The following CBR4 variants were observed in gnomAD, a reference collection of about 807,000 sequenced individuals.
CBR4 encodes 3-oxoacyl-[acyl-carrier-protein] reductase.
A neutral mutation model predicts 21.0 loss-of-function variants in CBR4; 22 were observed. The observed-to-expected ratio is 1.05, with a 90% CI of 0.75 to 1.50. The LOEUF is 1.50. Ranked by LOEUF, CBR4 falls within the 40% of genes most tolerant of loss-of-function variation. The pLI, the probability that CBR4 is intolerant of heterozygous loss-of-function variation, is 0.00. For missense variants in CBR4, 302 were observed against 286.3 expected (o/e 1.05, Z -0.40); for synonymous variants, 100 against 104.4 (o/e 0.96, Z 0.26).
intron 2 of CBR4, among the ~76,000 whole-genome samples, chr4:168,951,557 GATTT>G (rs1340479550): frequency 2.0e-5 from 3 of 152,168 alleles, no homozygotes; most frequent in Non-Finnish European, 4.4e-5. Context: ...GTGTTTCCAG[GATTT>G]GTTTCAAGAT....
intron 4 of CBR4, among the ~76,000 whole-genome samples, chr4:168,990,890 T>C (rs1764886451): frequency 6.6e-6 from 1 of 151,718 alleles, no homozygotes; most frequent in African/African-American, 2.4e-5. Context: ...CCGTCTCTAC[T>C]AAAAATACAA....
At chr4:168,915,165 T>C (rs1759849211) in intron 2 of CBR4, among the ~76,000 whole-genome samples, 1 of 152,238 alleles carries the variant, frequency 6.6e-6, no homozygotes, top group Non-Finnish European at 1.5e-5. Context: ...CCTAGTATGC[T>C]TCTTTCATTT....
At chr4:168,923,983 T>C (rs1039152375) in intron 2 of CBR4, among the ~76,000 whole-genome samples, 4 of 152,202 alleles carry the variant, frequency 2.6e-5, no homozygotes, top group African/African-American at 9.6e-5. Flanking sequence ...CTCCCACAGC[T>C]GGTCAGACAG....
intron 2 of CBR4, chr4:168,903,949 C>CTT (rs1361854064): frequency 6.5e-7 from 1 of 1,550,186 alleles, no homozygotes; most frequent in Non-Finnish European, 8.9e-7. Flanking sequence ...GTGTCTAGTG[C>CTT]TTACAGGCAT....
At chr4:168,929,910 C>T (rs1421415828) in intron 2 of CBR4, among the ~76,000 whole-genome samples, 2 of 152,110 alleles carry the variant, frequency 1.3e-5, no homozygotes, top group Non-Finnish European at 2.9e-5. Flanking sequence ...AATGTGTACA[C>T]ACCTAACAAA....
intron 2 of CBR4, among the ~76,000 whole-genome samples, chr4:168,968,790 T>C (rs1764117075): frequency 6.6e-6 from 1 of 152,224 alleles, no homozygotes; most frequent in South Asian, 2.1e-4. Flanking sequence ...CAGGATATAG[T>C]ATTATTTCCG....
At chr4:168,965,441 A>C (rs946104929) in intron 2 of CBR4, among the ~76,000 whole-genome samples, 1 of 152,220 alleles carries the variant, frequency 6.6e-6, no homozygotes, top group African/African-American at 2.4e-5. Flanking sequence ...CCACATAGCC[A>C]AGACAATCCT....
At chr4:168,897,077 C>T (rs1014167655) in intron 2 of CBR4, among the ~76,000 whole-genome samples, 3 of 152,170 alleles carry the variant, frequency 2.0e-5, no homozygotes, top group Admixed American at 6.5e-5. Context: ...GTGATCCACC[C>T]GCCTTGGCTT....
intron 2 of CBR4, among the ~76,000 whole-genome samples, chr4:168,909,650 T>G (rs1758496063): frequency 6.6e-6 from 1 of 152,140 alleles, no homozygotes; most frequent in South Asian, 2.1e-4. Flanking sequence ...CAGATAGAAA[T>G]GAGAAAATTA....
rs1714172178 is a variant in CBR4 at position 168,896,447 on chromosome 4, A to G, written n.170-1682T>C. The stretch of plus-strand genomic sequence containing the variant: ...TCACAGCACCGTTACTACCAAACGC[A>G]TATTGCTAGCACAAAAGTTTCACTT... On this transcript the variant is annotated intron_variant and non_coding_transcript_variant, in intron 2 of 3. Transcript: ENST00000509108. The G allele has an allele frequency of 5.5e-6, 4 of 728,146 alleles. No individual in the cohort carries two copies. The South Asian group carries it at 6.0e-5, about 11-fold the overall frequency. The allele number at this position is 728,146 out of a possible 1,614,324, so 45.1% of individuals were successfully genotyped here.
In CBR4 at chr4:168,915,978, C is replaced by T. The variant is rs756934356; in HGVS notation, n.170-21213G>A. ...TTCAGACCTCACTTCTTGCAGGCTC[C>T]TGGAGATCTGACTGTTCAAGAAGGA... is the stretch of plus-strand genomic sequence containing the variant. On this transcript the variant is annotated intron_variant and non_coding_transcript_variant, in intron 2 of 3. Coordinates refer to the CBR4 transcript ENST00000509108. The T allele has an allele frequency of 8.7e-6, 14 of 1,613,626 alleles. No individual in the cohort carries two copies. The highest frequency in any genetic ancestry group is 1.2e-5 in the Non-Finnish European group (14 of 1,179,652).
At chr4:168,930,719 G>C (rs532039420) in intron 2 of CBR4, among the ~76,000 whole-genome samples, 1 of 152,270 alleles carries the variant, frequency 6.6e-6, no homozygotes, top group Non-Finnish European at 1.5e-5. Context: ...CCATGCCCCT[G>C]CATCCCCCAA....
intron 2 of CBR4, among the ~76,000 whole-genome samples, chr4:168,905,314 A>G (rs1340908311): frequency 6.7e-6 from 1 of 149,430 alleles, no homozygotes; most frequent in African/African-American, 2.5e-5. Context: ...TGCCCGGCTA[A>G]TTTTTTTTTA....
At chr4:168,972,094 G>A (rs1402733326) in intron 2 of CBR4, among the ~76,000 whole-genome samples, 1 of 152,086 alleles carries the variant, frequency 6.6e-6, no homozygotes, top group African/African-American at 2.4e-5. Context: ...AGATCAGTTG[G>A]CTATTAAGTA....
In CBR4 at chr4:168,957,597, T is replaced by G. The variant is rs533537078; in HGVS notation, n.169+44474A>C. ...AACTACTTCCACCACCTATAAAAGTTTTCTCATGCACCTTGTAGTCCACCC... is the reference window on the plus strand; with the variant it reads ...AACTACTTCCACCACCTATAAAAGTGTTCTCATGCACCTTGTAGTCCACCC... On this transcript the variant is annotated intron_variant and non_coding_transcript_variant, in intron 2 of 3. Transcript: ENST00000509108. 2.0e-5 allele frequency among the ~76,000 whole-genome samples: 3 copies of G among 152,286 alleles called. No individual in the cohort carries two copies. In the East Asian group the frequency reaches 5.8e-4, roughly 29 times the overall value.
At chr4:168,913,132 C>G (rs1759350424) in intron 2 of CBR4, among the ~76,000 whole-genome samples, 1 of 129,630 alleles carries the variant, frequency 7.7e-6, no homozygotes, top group Non-Finnish European at 1.6e-5. Context: ...AGGGATGCCA[C>G]TAACTTTTTT....
rs913190812 is a variant in CBR4 at position 168,988,083 on chromosome 4, C to T, written c.*2067G>A. Reference sequence around the variant, plus strand: ...TAGCAGATTTTAAAAAATGAATTCACTGAGGTTCTTAAACCTCTGAACATA... The same window carrying T: ...TAGCAGATTTTAAAAAATGAATTCATTGAGGTTCTTAAACCTCTGAACATA... On this transcript the variant is annotated 3_prime_UTR_variant, in exon 5 of 5. Coordinates refer to ENST00000306193, the MANE Select transcript of CBR4 (RefSeq NM_032783.5). 1.0e-6 allele frequency: 1 copy of T among 985,304 alleles called. No individual in the cohort carries two copies. Among genetic ancestry groups the T allele is most frequent in the Non-Finnish European group, 1.2e-6 (1 of 829,840 alleles). 61.0% of individuals were successfully genotyped at this position (985,304 alleles called of 1,614,324 possible).
intron 4 of CBR4, among the ~76,000 whole-genome samples, chr4:168,994,299 C>A (rs1438284908): frequency 6.6e-6 from 1 of 152,222 alleles, no homozygotes; most frequent in Non-Finnish European, 1.5e-5. Flanking sequence ...GGTTCAGGAA[C>A]GCCTTTAAGC....
At chr4:168,961,977 G>T (rs1381829414) in intron 2 of CBR4, among the ~76,000 whole-genome samples, 1 of 146,010 alleles carries the variant, frequency 6.8e-6, no homozygotes, top group African/African-American at 2.6e-5. Context: ...GGAGAGGAGA[G>T]GAGAGGAGAG....
Sources: gnomAD v4.1 joint callset for allele counts (sites outside exome capture counted in the v4.1 genomes callset) on GRCh38, gnomAD v4.1.1 for gene constraint, MANE v1.5 for transcripts, NCBI Gene and HGNC (gene_info 2026-07-23, HGNC 2026-07-21) for gene names.